Variants in AFF1 observed in about 807,000 individuals in gnomAD.
The protein encoded by AFF1 is AF4/FMR2 family member 1.
In AFF1, 48 loss-of-function variants were observed where a neutral mutation model predicts 121.7. The observed-to-expected ratio is 0.39, with a 90% CI of 0.31 to 0.50. The LOEUF (loss-of-function observed/expected upper bound fraction) is 0.50, where lower values mean the gene tolerates loss of function less well. Ranked by LOEUF, AFF1 falls within the 20% of genes least tolerant of loss-of-function variation. The pLI, the probability that AFF1 is intolerant of heterozygous loss-of-function variation, is 0.76. For synonymous variants in AFF1, 613 were observed against 563.0 expected (o/e 1.09, Z -1.26); for missense variants, 1,523 against 1,511.7 (o/e 1.01, Z -0.12).
chr4:87,077,005 A>T (rs1217698392), intron 4 of AFF1, among the ~76,000 whole-genome samples: 1 of 152,242 alleles, frequency 6.6e-6, no homozygotes, highest in Non-Finnish European at 1.5e-5. Flanking sequence ...TGGTGTCTTC[A>T]TATAAATGCA....
intron 4 of AFF1, among the ~76,000 whole-genome samples, chr4:87,060,763 T>C (rs907857530): frequency 3.7e-5 from 5 of 133,410 alleles, no homozygotes; most frequent in Non-Finnish European, 7.9e-5. Flanking sequence ...TGCTTGAACC[T>C]GGGAGGCGGA....
At chr4:87,081,151 A>AGTTT in intron 4 of AFF1, among the ~76,000 whole-genome samples, 1 of 101,698 alleles carries the variant, frequency 9.8e-6, no homozygotes, top group Non-Finnish European at 1.9e-5. Context: ...TAATGAAATG[A>AGTTT]ATTTTTTTTT....
chr4:87,092,826 A>G (rs1206389048), intron 7 of AFF1, among the ~76,000 whole-genome samples: 1 of 152,212 alleles, frequency 6.6e-6, no homozygotes, highest in Non-Finnish European at 1.5e-5. Flanking sequence ...ACTGAAATGG[A>G]TGGCTGCTTG....
chr4:87,110,761 T>C (rs1448198647), intron 11 of AFF1, among the ~76,000 whole-genome samples: 2 of 152,182 alleles, frequency 1.3e-5, no homozygotes. Flanking sequence ...TTCTCAAATA[T>C]ACTAACTTTT....
intron 2 of AFF1, among the ~76,000 whole-genome samples, chr4:87,041,682 C>A (rs1017323837): frequency 6.6e-6 from 1 of 151,846 alleles, no homozygotes. Context: ...AAAAAAGACA[C>A]CTTTATTAAA....
intron 2 of AFF1, among the ~76,000 whole-genome samples, chr4:86,988,194 C>A (rs1724437085): frequency 6.6e-6 from 1 of 152,004 alleles, no homozygotes. Context: ...CATTTCAAAC[C>A]TTCTCTTGCA....
chr4:87,043,165 G>T (rs536395341), intron 2 of AFF1, among the ~76,000 whole-genome samples: 1 of 152,314 alleles, frequency 6.6e-6, no homozygotes, highest in East Asian at 1.9e-4. Context: ...CTGTGAAGCG[G>T]AGCCTAAGGC....
At chr4:86,973,734 TTC>T (rs954816248) in intron 2 of AFF1, 3 of 152,162 alleles carry the variant, frequency 2.0e-5, no homozygotes, top group Non-Finnish European at 4.4e-5. Context: ...CTTTTTTCCT[TTC>T]TCTTTTCTCT....
intron 12 of AFF1, among the ~76,000 whole-genome samples, chr4:87,122,903 AAAATT>A (rs1188617854): frequency 6.6e-6 from 1 of 151,058 alleles, no homozygotes; most frequent in Non-Finnish European, 1.5e-5. Flanking sequence ...AAAAAAAAAA[AAAATT>A]CTTTTTGAGA....
intron 5 of AFF1, among the ~76,000 whole-genome samples, chr4:87,084,879 AGGC>A: frequency 6.6e-6 from 1 of 152,268 alleles, no homozygotes; most frequent in East Asian, 1.9e-4. Flanking sequence ...GATGTGTGGG[AGGC>A]ACCAGTGGTT....
intron 2 of AFF1, among the ~76,000 whole-genome samples, chr4:86,970,387 A>T (rs1722859139): frequency 6.6e-6 from 1 of 152,202 alleles, no homozygotes; most frequent in African/African-American, 2.4e-5. Flanking sequence ...ATTTGAAAAA[A>T]TGAAGGAATG....
intron 12 of AFF1, among the ~76,000 whole-genome samples, chr4:87,117,122 T>C (rs1209440538): frequency 6.6e-6 from 1 of 152,120 alleles, no homozygotes; most frequent in African/African-American, 2.4e-5. Context: ...CCCAGAGAGC[T>C]CAGTCCAGTT....
Position 87,047,581 on chromosome 4 carries a change from C to T in AFF1, c.1046C>T (p.Ser349Phe). The T allele has an allele frequency of 1.2e-6, 2 of 1,614,174 alleles. No homozygotes were observed. The highest frequency in any genetic ancestry group is 1.7e-6 in the Non-Finnish European group (2 of 1,180,036). Residue 349 changes from serine (S) to phenylalanine (F), a missense_variant, in exon 4 of 21, where the codon TCT (serine) becomes TTT (phenylalanine). This residue lies in a region of AFF1 where 905 missense variants were observed against 842.5 expected (regional missense o/e 1.07). Transcript: ENST00000395146. ...AAGCTCACCAAACTGAAGATGCCTT[C>T]TCAGTCAGTTGAGGTGTGTGGAATT... ...KAKLTKLKMP[S>F]QSVEQTYSNE... is the part of the protein sequence containing the mutation.
chr4:87,088,255 A>G (rs1362914027), intron 5 of AFF1, among the ~76,000 whole-genome samples: 1 of 152,234 alleles, frequency 6.6e-6, no homozygotes, highest in Non-Finnish European at 1.5e-5. Context: ...AACAAAGCAG[A>G]TGGCCAGTCA....
At chr4:87,002,104 C>CT (rs764965353) in intron 2 of AFF1, among the ~76,000 whole-genome samples, 5,846 of 141,848 alleles carry the variant, frequency 0.041, 102 homozygotes, top group Non-Finnish European at 0.055. Flanking sequence ...TTTTCTTTTC[C>CT]TTTTTTTTTT....
intron 4 of AFF1, among the ~76,000 whole-genome samples, chr4:87,055,000 T>C (rs1033531328): frequency 6.6e-6 from 1 of 152,158 alleles, no homozygotes; most frequent in African/African-American, 2.4e-5. Context: ...TGGCAATCTT[T>C]AGAGTTTCTC....
chr4:86,961,041 C>T (rs933908083), intron 2 of AFF1, among the ~76,000 whole-genome samples: 1 of 152,228 alleles, frequency 6.6e-6, no homozygotes, highest in Non-Finnish European at 1.5e-5. Context: ...CAGAGACAAG[C>T]TATCCTCCAG....
At chr4:87,054,649 TC>T in intron 4 of AFF1, among the ~76,000 whole-genome samples, 1 of 152,320 alleles carries the variant, frequency 6.6e-6, no homozygotes, top group East Asian at 1.9e-4. Flanking sequence ...TGTGCAGAAT[TC>T]CCTGCTGCCA....
intron 4 of AFF1, among the ~76,000 whole-genome samples, chr4:87,052,617 A>G (rs765856973): frequency 6.6e-6 from 1 of 151,684 alleles, no homozygotes; most frequent in Non-Finnish European, 1.5e-5. Flanking sequence ...GGGGAGGGAC[A>G]TATCTACTTT....
Sources: gnomAD v4.1 joint callset for allele counts (sites outside exome capture counted in the v4.1 genomes callset) on GRCh38, gnomAD v4.1.1 for gene constraint, gnomAD v4.1.1 regional missense constraint, MANE v1.5 for transcripts, NCBI Gene and HGNC (gene_info 2026-07-23, HGNC 2026-07-21) for gene names.